The following ABCC4 variants were observed in gnomAD, a reference collection of about 807,000 sequenced individuals.
The protein encoded by ABCC4 is ATP binding cassette subfamily C member 4 (PEL blood group).
Under a neutral mutation model 168.5 loss-of-function variants are expected in ABCC4, and 102 were observed. The observed-to-expected ratio is 0.61, with a 90% confidence interval of 0.52 to 0.71. The LOEUF is 0.71. ABCC4 is among the 30% of genes least tolerant of loss of function. The pLI is 0.00. For synonymous variants in ABCC4, 617 were observed against 590.7 expected (o/e 1.04, Z -0.65); for missense variants, 1,402 against 1,605.8 (o/e 0.87, Z 2.17).
intron 4 of ABCC4, among the ~76,000 whole-genome samples, chr13:95,225,185 A>T (rs2039429899): frequency 6.7e-6 from 1 of 149,578 alleles, no homozygotes; most frequent in Admixed American, 6.7e-5. Context: ...ACACACACAC[A>T]CACACACACA....
intron 30 of ABCC4, among the ~76,000 whole-genome samples, chr13:95,025,312 C>CA (rs2031428304): frequency 2.8e-5 from 1 of 35,712 alleles, no homozygotes; most frequent in African/African-American, 1.4e-4. Context: ...CGCCCACCCC[C>CA]CACACACACC....
rs1164440774 is a variant in ABCC4 at position 95,071,698 on chromosome 13, C to T, written c.3174G>A (p.Leu1058=). ...ATTTAATGAGTGCTGTCAGATGCTT[C>T]AGTACCAGAGGCCCACCTGGACTGT... ...FMYSPGGPLV[L]KHLTALIKSQ... is the part of the protein sequence containing the mutation. The change falls in exon 25 of 31, where the codon CTG becomes CTA. Residue 1058 remains leucine (L), a synonymous_variant. Coordinates refer to ENST00000645237, the MANE Select transcript of ABCC4 (RefSeq NM_005845.5). 6.5e-7 allele frequency: 1 copy of T among 1,535,182 alleles called. No individual in the cohort carries two copies.
intron 5 of ABCC4, 51 bp downstream of exon 5, chr13:95,210,641 G>A: frequency 6.9e-7 from 1 of 1,443,398 alleles, no homozygotes; most frequent in Non-Finnish European, 9.7e-7. Flanking sequence ...AATAAAAGGG[G>A]AAAGAGGGGT....
chr13:95,180,247 T>C (rs963995097), intron 11 of ABCC4, among the ~76,000 whole-genome samples: 1 of 151,652 alleles, frequency 6.6e-6, no homozygotes, highest in Non-Finnish European at 1.5e-5. Flanking sequence ...ATCTCTTCCT[T>C]TCAGTTTTCA....
chr13:95,132,486 G>A (rs975162935), intron 19 of ABCC4, among the ~76,000 whole-genome samples: 1 of 152,004 alleles, frequency 6.6e-6, no homozygotes, highest in African/African-American at 2.4e-5. Flanking sequence ...CGAAATGCTG[G>A]GATTACAAGT....
chr13:95,036,821 C>T (rs1007737832), intron 29 of ABCC4, among the ~76,000 whole-genome samples: 5 of 152,088 alleles, frequency 3.3e-5, no homozygotes, highest in Non-Finnish European at 5.9e-5. Flanking sequence ...CAGTGGCTCA[C>T]GCCTATAATC....
At chr13:95,075,912 A>C (rs139097385) in intron 21 of ABCC4, among the ~76,000 whole-genome samples, 1 of 152,180 alleles carries the variant, frequency 6.6e-6, no homozygotes, top group Non-Finnish European at 1.5e-5. Flanking sequence ...TTTTTGAGCC[A>C]GTAGGATTTT....
chr13:95,064,002 C>CTGGG (rs2033399285), intron 25 of ABCC4, among the ~76,000 whole-genome samples: 1 of 152,070 alleles, frequency 6.6e-6, no homozygotes, highest in African/African-American at 2.4e-5. Context: ...TTACTGGGCA[C>CTGGG]TGGGTATGTG....
At chr13:95,027,728 C>T (rs1267218076) in intron 30 of ABCC4, among the ~76,000 whole-genome samples, 2 of 152,036 alleles carry the variant, frequency 1.3e-5, no homozygotes, top group African/African-American at 2.4e-5. Flanking sequence ...ACAAAAGGAA[C>T]ACATGCAAAA....
At chr13:95,242,029 C>CA (rs1257312069) in intron 3 of ABCC4, among the ~76,000 whole-genome samples, 2 of 151,782 alleles carry the variant, frequency 1.3e-5, no homozygotes, top group African/African-American at 2.4e-5. Context: ...CTTTCACACA[C>CA]AAAAAAAATT....
intron 4 of ABCC4, among the ~76,000 whole-genome samples, chr13:95,228,005 C>T (rs1289616006): frequency 1.3e-5 from 2 of 152,126 alleles, no homozygotes; most frequent in East Asian, 1.9e-4. Flanking sequence ...CCACTGCACC[C>T]GGCCCTGAAT....
At chr13:95,255,678 C>CTATGTCA (rs2066728267) in intron 1 of ABCC4, among the ~76,000 whole-genome samples, 2 of 152,226 alleles carry the variant, frequency 1.3e-5, no homozygotes, top group Admixed American at 1.3e-4. Flanking sequence ...CTTCCCGCTT[C>CTATGTCA]ACTCTACTAC....
chr13:95,192,508 C>T (rs1274855269), intron 9 of ABCC4, among the ~76,000 whole-genome samples: 1 of 152,114 alleles, frequency 6.6e-6, no homozygotes, highest in Non-Finnish European at 1.5e-5. Context: ...AAGAAATTTG[C>T]AAATGGGACC....
At chr13:95,102,454 T>C (rs1029932850) in intron 20 of ABCC4, among the ~76,000 whole-genome samples, 11 of 152,050 alleles carry the variant, frequency 7.2e-5, no homozygotes, top group African/African-American at 2.7e-4. Context: ...CAAAGTCTTT[T>C]ATTATTTTTA....
Position 95,068,493 on chromosome 13 carries a change from C to T in ABCC4, c.3210+3169G>A, listed in dbSNP as rs1042236411. On this transcript the variant is annotated intron_variant, in intron 25 of 30. Transcript: ENST00000645237. ...TACAAAAATTAGCCAGGCATGGCAG[C>T]GGGTGCCTGTAATTGCAGCTACTCG... Among the ~76,000 whole-genome samples, 8 of 151,382 alleles carry T rather than the reference C, an allele frequency of 5.3e-5. No individual in the cohort carries two copies. The East Asian group carries it at 7.8e-4, about 15-fold the overall frequency.
At chr13:95,241,023 C>T (rs1328647684) in intron 3 of ABCC4, among the ~76,000 whole-genome samples, 1 of 151,338 alleles carries the variant, frequency 6.6e-6, no homozygotes, top group Non-Finnish European at 1.5e-5. Flanking sequence ...TGGCCTTGGC[C>T]CTCATGTCAG....
chr13:95,027,840 T>A (rs1488471269), intron 30 of ABCC4, among the ~76,000 whole-genome samples: 3 of 152,152 alleles, frequency 2.0e-5, no homozygotes, highest in Non-Finnish European at 4.4e-5. Context: ...AAAACATACT[T>A]ATAATCTCAA....
At chr13:95,230,068 C>T (rs17189481) in intron 4 of ABCC4, among the ~76,000 whole-genome samples, 26,522 of 152,176 alleles carry the variant, frequency 0.17, 2,430 homozygotes, top group Non-Finnish European at 0.2. Context: ...TTGTGACTGA[C>T]GACATTCTAA....
intron 19 of ABCC4, among the ~76,000 whole-genome samples, chr13:95,158,711 A>T (rs1469728625): frequency 3.3e-5 from 5 of 152,152 alleles, no homozygotes; most frequent in Non-Finnish European, 7.3e-5. Flanking sequence ...TTTAACATGT[A>T]TGTTTAAGAG....
Sources: gnomAD v4.1 joint callset for allele counts (sites outside exome capture counted in the v4.1 genomes callset) on GRCh38, gnomAD v4.1.1 for gene constraint, MANE v1.5 for transcripts, NCBI Gene and HGNC (gene_info 2026-07-23, HGNC 2026-07-21) for gene names.